The following SYT1 variants were observed in gnomAD, a reference collection of about 807,000 sequenced individuals.
SYT1 encodes the protein synaptotagmin 1, also known as synaptotagmin-1.
A neutral mutation model predicts 44.8 loss-of-function variants in SYT1; 8 were observed. The ratio of observed to expected loss-of-function variants is 0.18; its 90% CI spans 0.10 to 0.32. The LOEUF (loss-of-function observed/expected upper bound fraction) is 0.32. Among genes scored for constraint, SYT1 ranks in the 10% least tolerant of loss-of-function variants. SYT1 has a pLI of 1.00. For missense variants in SYT1, 286 were observed against 509.3 expected (o/e 0.56, Z 4.22); for synonymous variants, 154 against 188.8 (o/e 0.82, Z 1.51).
chr12:79,124,754 T>C (rs1565817048), intron 3 of SYT1, among the ~76,000 whole-genome samples: 1 of 152,174 alleles, frequency 6.6e-6, no homozygotes, highest in Non-Finnish European at 1.5e-5. Flanking sequence ...TATACAACAA[T>C]ATATGAAGTC....
intron 1 of SYT1, among the ~76,000 whole-genome samples, chr12:78,971,965 G>T: frequency 6.6e-6 from 1 of 152,076 alleles, no homozygotes; most frequent in East Asian, 1.9e-4. Context: ...ATTTCAGGAG[G>T]TTTGCAGACT....
intron 1 of SYT1, among the ~76,000 whole-genome samples, chr12:78,876,866 A>AATATATTAT (rs1565697821): frequency 7.8e-5 from 1 of 12,898 alleles, no homozygotes; most frequent in Non-Finnish European, 1.7e-4. Context: ...TAATATATAT[A>AATATATTAT]ATATATTATA....
At chr12:79,309,941 G>C (rs552591972) in intron 8 of SYT1, among the ~76,000 whole-genome samples, 1 of 152,018 alleles carries the variant, frequency 6.6e-6, no homozygotes, top group Non-Finnish European at 1.5e-5. Flanking sequence ...AGTAGGTTGC[G>C]AAAATTTTCT....
chr12:78,925,614 TGTAA>T (rs1287670563), intron 1 of SYT1, among the ~76,000 whole-genome samples: 9 of 151,882 alleles, frequency 5.9e-5, no homozygotes, highest in African/African-American at 2.2e-4. Context: ...CTCAAGAAGG[TGTAA>T]GTCCATCCTC....
At chr12:78,936,343 C>A (rs1160706305) in intron 1 of SYT1, among the ~76,000 whole-genome samples, 4 of 152,042 alleles carry the variant, frequency 2.6e-5, no homozygotes, top group African/African-American at 9.7e-5. Context: ...ATTCTTTAAA[C>A]CCTAAGGAAT....
intron 3 of SYT1, among the ~76,000 whole-genome samples, chr12:79,213,353 G>A (rs945642419): frequency 6.6e-6 from 1 of 152,044 alleles, no homozygotes; most frequent in Non-Finnish European, 1.5e-5. Context: ...CAAGTCTTTT[G>A]ATACTATAGT....
intron 1 of SYT1, among the ~76,000 whole-genome samples, chr12:78,885,938 A>G (rs567419426): frequency 6.1e-4 from 92 of 151,998 alleles, no homozygotes; most frequent in Non-Finnish European, 1.3e-3. Flanking sequence ...TATTTTATGT[A>G]TTTCCTAGAT....
intron 9 of SYT1, among the ~76,000 whole-genome samples, chr12:79,373,048 C>T (rs1216015766): frequency 1.3e-5 from 2 of 152,152 alleles, no homozygotes; most frequent in African/African-American, 4.8e-5. Context: ...AGATATTTCC[C>T]TCATCCAAAA....
intron 3 of SYT1, among the ~76,000 whole-genome samples, chr12:79,117,428 A>C (rs1879335146): frequency 6.6e-6 from 1 of 151,850 alleles, no homozygotes; most frequent in South Asian, 2.1e-4. Context: ...TCCACAGTGG[A>C]TGACTGCTGA....
intron 9 of SYT1, among the ~76,000 whole-genome samples, chr12:79,389,245 A>C (rs1884560137): frequency 6.6e-6 from 1 of 152,220 alleles, no homozygotes; most frequent in South Asian, 2.1e-4. Context: ...TCTTTTAACA[A>C]AACATATGTT....
intron 9 of SYT1, among the ~76,000 whole-genome samples, chr12:79,385,681 A>G (rs1025993250): frequency 6.6e-6 from 1 of 152,194 alleles, no homozygotes; most frequent in South Asian, 2.1e-4. Context: ...GGCCAGAGTT[A>G]CCAACTGAAG....
intron 1 of SYT1, chr12:78,960,430 C>G (rs753483309): frequency 1.8e-4 from 27 of 152,270 alleles, no homozygotes; most frequent in Non-Finnish European, 3.4e-4. Flanking sequence ...ATCTTTATCC[C>G]TAAGTTTCCC....
intron 9 of SYT1, among the ~76,000 whole-genome samples, chr12:79,395,903 A>C (rs1214499279): frequency 1.3e-5 from 2 of 152,236 alleles, no homozygotes; most frequent in African/African-American, 4.8e-5. Flanking sequence ...CTAATTTTCT[A>C]AATTAATAAA....
intron 3 of SYT1, among the ~76,000 whole-genome samples, chr12:79,137,220 C>T (rs1329056505): frequency 2.6e-5 from 4 of 151,952 alleles, no homozygotes; most frequent in African/African-American, 4.8e-5. Context: ...CTCAGCCTTC[C>T]GAGTAGCTGG....
At position 78,968,839 on chromosome 12, in the gene SYT1, C is replaced by T. The variant is rs939216643; in HGVS notation, c.-216-8960C>T. Among the ~76,000 whole-genome samples, 3 of 152,100 alleles carry T rather than the reference C, an allele frequency of 2.0e-5. No homozygotes were observed. In the East Asian group the frequency reaches 5.8e-4, roughly 29 times the overall value. On this transcript the variant is annotated intron_variant, in intron 1 of 10. Transcript: ENST00000261205. Reference sequence around the variant, plus strand: ...ACTCAACAAATATTTATATGGTGCTCATATAGGCCAGATACTATCCAAGAT... The same window carrying T: ...ACTCAACAAATATTTATATGGTGCTTATATAGGCCAGATACTATCCAAGAT...
chr12:79,327,223 T>G (rs940181292), intron 8 of SYT1, among the ~76,000 whole-genome samples: 3 of 152,110 alleles, frequency 2.0e-5, no homozygotes, highest in African/African-American at 7.2e-5. Flanking sequence ...AACAAACAAT[T>G]TTTAAATTTG....
At chr12:79,079,160 T>TAAACTATTGTCACAAGTTGGCA (rs1404843184) in intron 3 of SYT1, among the ~76,000 whole-genome samples, 2 of 152,156 alleles carry the variant, frequency 1.3e-5, no homozygotes, top group African/African-American at 4.8e-5. Context: ...ATAAGTCTAA[T>TAAACTATTGTCACAAGTTGGCA]AAACTATTGT....
At chr12:79,109,453 G>A (rs1040265972) in intron 3 of SYT1, among the ~76,000 whole-genome samples, 3 of 151,788 alleles carry the variant, frequency 2.0e-5, no homozygotes, top group Admixed American at 1.3e-4. Context: ...CAACACCTAC[G>A]CCCAGCTAGA....
At chr12:78,891,575 T>C (rs1456435274) in intron 1 of SYT1, among the ~76,000 whole-genome samples, 1 of 151,878 alleles carries the variant, frequency 6.6e-6, no homozygotes, top group Non-Finnish European at 1.5e-5. Flanking sequence ...AATTTTAAAG[T>C]CTCCACGGTG....
Sources: allele counts gnomAD v4.1 joint callset (sites outside exome capture counted in the v4.1 genomes callset), GRCh38; gene constraint gnomAD v4.1.1; transcripts MANE v1.5; gene names NCBI Gene and HGNC (gene_info 2026-07-23, HGNC 2026-07-21).